Variants in BIRC6 observed in about 807,000 individuals in gnomAD.
The protein encoded by BIRC6 is dual E2 ubiquitin-conjugating enzyme/E3 ubiquitin-protein ligase BIRC6.
BIRC6 carries 98 observed loss-of-function variants against 503.3 expected under a neutral mutation model. The ratio of observed to expected loss-of-function variants is 0.19; its 90% confidence interval spans 0.17 to 0.23. The LOEUF (loss-of-function observed/expected upper bound fraction) is 0.23, where lower values mean the gene tolerates loss of function less well. BIRC6 is among the 10% of genes least tolerant of loss of function. The pLI, the probability that BIRC6 is intolerant of heterozygous loss-of-function variation, is 1.00. For missense variants in BIRC6, 5,360 were observed against 5,806.0 expected (o/e 0.92, Z 2.50); for synonymous variants, 2,240 against 2,078.7 (o/e 1.08, Z -2.11).
At chr2:32,385,071 A>T (rs540028059) in intron 3 of BIRC6, among the ~76,000 whole-genome samples, 2 of 152,294 alleles carry the variant, frequency 1.3e-5, no homozygotes, top group East Asian at 3.9e-4. Context: ...TCCATACAAG[A>T]ACAGTCATAC....
intron 59 of BIRC6, chr2:32,528,178 C>T (rs1309378862): frequency 6.6e-6 from 1 of 151,990 alleles, no homozygotes. Flanking sequence ...AAAAACACAG[C>T]ATCATAGGTG....
Position 32,403,068 on chromosome 2 carries a change from T to C in BIRC6, c.1418+1445T>C, listed in dbSNP as rs527270516. On this transcript the variant is annotated intron_variant, in intron 8 of 73. Coordinates refer to ENST00000421745, the MANE Select transcript of BIRC6 (RefSeq NM_016252.4). Reference sequence around the variant, plus strand: ...ACAATCTAGGGTCGAAGGTCAATTTTCTCTGAAGAAAGTCTCAAACAAATC... The same window carrying C: ...ACAATCTAGGGTCGAAGGTCAATTTCCTCTGAAGAAAGTCTCAAACAAATC... Among the ~76,000 whole-genome samples the C allele has an allele frequency of 2.0e-5, 3 of 152,348 alleles. No homozygotes were observed. The East Asian group carries it at 5.8e-4, about 29-fold the overall frequency.
At chr2:32,428,758 G>A (rs963529268) in intron 10 of BIRC6, among the ~76,000 whole-genome samples, 4 of 152,024 alleles carry the variant, frequency 2.6e-5, no homozygotes, top group Admixed American at 2.6e-4. Context: ...TTTTGTTATT[G>A]TTGAGATTAA....
intron 55 of BIRC6, 83 bp downstream of exon 55, chr2:32,515,853 T>C: frequency 2.3e-6 from 3 of 1,296,892 alleles, no homozygotes; most frequent in Middle Eastern, 4.6e-4. Flanking sequence ...ATAATAAATT[T>C]AGTGAGGGTT....
intron 66 of BIRC6, among the ~76,000 whole-genome samples, chr2:32,578,650 G>A (rs907340895): frequency 6.6e-6 from 1 of 151,824 alleles, no homozygotes; most frequent in East Asian, 1.9e-4. Context: ...CAAAAATTCA[G>A]CTGGGTGTGG....
intron 66 of BIRC6, among the ~76,000 whole-genome samples, chr2:32,587,725 G>A (rs2061143489): frequency 6.6e-6 from 1 of 152,034 alleles, no homozygotes; most frequent in Non-Finnish European, 1.5e-5. Flanking sequence ...ATCTATCTCA[G>A]AAAAATAAAA....
intron 1 of BIRC6, among the ~76,000 whole-genome samples, chr2:32,368,869 C>G (rs973870749): frequency 9.9e-5 from 15 of 152,138 alleles, no homozygotes; most frequent in Non-Finnish European, 1.9e-4. Flanking sequence ...CCAGGCTGGT[C>G]TGGAACACCT....
Position 32,499,534 on chromosome 2 carries a change from T to C in BIRC6, c.8469-13T>C. On this transcript the variant is annotated splice_polypyrimidine_tract_variant and intron_variant, in intron 45 of 73. Coordinates refer to ENST00000421745, the MANE Select transcript of BIRC6 (RefSeq NM_016252.4). ...CTCTCTCTTTTTCTGTCTCTCTCTCTCTCTCTCTGCAGGGGTGCTTTCCAG... is the reference window on the plus strand; with the variant it reads ...CTCTCTCTTTTTCTGTCTCTCTCTCCCTCTCTCTGCAGGGGTGCTTTCCAG... 6.4e-7 allele frequency: 1 copy of C among 1,562,774 alleles called. No individual in the cohort carries two copies. Among genetic ancestry groups the C allele is most frequent in the Non-Finnish European group, 8.6e-7 (1 of 1,156,488 alleles).
Position 32,515,275 on chromosome 2 carries a change from A to G in BIRC6, c.10854A>G (p.Gln3618=), listed in dbSNP as rs1466776267. 2.5e-6 allele frequency: 4 copies of G among 1,613,894 alleles called. No individual in the cohort carries two copies. Among genetic ancestry groups the G allele is most frequent in the South Asian group, 1.1e-5 (1 of 91,082 alleles). The change falls in exon 55 of 74, where the codon CAA becomes CAG. Residue 3618 remains glutamine, a synonymous_variant. Coordinates refer to ENST00000421745, the MANE Select transcript of BIRC6 (RefSeq NM_016252.4). ...SHLATLASSS[Q]SPEAIKQLLD... The stretch of plus-strand genomic sequence containing the variant: ...TGGCTACCCTTGCTTCCTCTTCTCA[A>G]TCTCCTGAAGCTATTAAACAATTAC...
intron 27 of BIRC6, 58 bp downstream of exon 27, chr2:32,467,797 A>G: frequency 6.8e-7 from 1 of 1,478,140 alleles, no homozygotes; most frequent in Non-Finnish European, 9.1e-7. Flanking sequence ...CAAGTTATGA[A>G]AAATGAATAT....
In BIRC6 at chr2:32,468,544, C is replaced by T; in HGVS notation, c.5888C>T (p.Ala1963Val). The change falls in exon 29 of 74, where the codon GCA becomes GTA. Residue 1963 changes from alanine (A) to valine (V), a missense_variant. Physicochemically the swap from Ala to Val is moderately conservative, Grantham distance 64. Transcript: ENST00000421745. ...TACTTTTTACGAAAACCAGATAAGG[C>T]AGTTGAGGAAGACAGTAGGGTTTTT... Reference protein sequence around the residue: ...AQYFLRKPDKAVEEDSRVFSA... With the variant: ...AQYFLRKPDKVVEEDSRVFSA... 1.2e-6 allele frequency: 2 copies of T among 1,613,928 alleles called. No individual in the cohort carries two copies. The highest frequency in any genetic ancestry group is 2.2e-5 in the East Asian group (1 of 44,884).
rs1245591464 is a variant in BIRC6, at chr2:32,499,967, C to T, written c.8889C>T (p.Gly2963=). ...CAGATGAAGAAAAAGTCTCAGGAGG[C>T]AAAGATGGCAATGGAAGCAGTACCA... The part of the protein sequence containing the change: ...SVSDEEKVSG[G]KDGNGSSTSV... Residue 2963 remains glycine, a synonymous_variant, in exon 46 of 74, where the codon GGC becomes GGT. Transcript: ENST00000421745. The T allele has an allele frequency of 6.2e-7, 1 of 1,613,776 alleles. No individual in the cohort carries two copies. Among genetic ancestry groups the T allele is most frequent in the Admixed American group, 1.7e-5 (1 of 59,980 alleles).
chr2:32,392,240 T>C (rs2039320375), intron 5 of BIRC6, 90 bp downstream of exon 5: 1 of 925,644 alleles, frequency 1.1e-6, no homozygotes, highest in Non-Finnish European at 1.6e-6. Context: ...TTTCAGAAAC[T>C]TATTTTGTGC....
At chr2:32,464,486 T>C (rs912414671) in intron 24 of BIRC6, 23 bp from the exon 25 acceptor site, 1 of 1,543,504 alleles carries the variant, frequency 6.5e-7, no homozygotes, top group Non-Finnish European at 8.8e-7. Flanking sequence ...AGTCTATATA[T>C]GTTGCTTTTA....
intron 3 of BIRC6, 94 bp downstream of exon 3, chr2:32,380,384 C>A: frequency 7.2e-7 from 1 of 1,396,678 alleles, no homozygotes; most frequent in Non-Finnish European, 9.4e-7. Context: ...TGGAAATGTT[C>A]TAATTCTAGA....
chr2:32,548,606 A>AC (rs146955993), intron 64 of BIRC6: 151,646 of 151,676 alleles, frequency 1, 75,808 homozygotes, highest in Middle Eastern at 1. Context: ...ACATGGTGAA[A>AC]CCTGCCTCTA....
chr2:32,594,793 C>T (rs1001125949), intron 67 of BIRC6, among the ~76,000 whole-genome samples: 1 of 152,112 alleles, frequency 6.6e-6, no homozygotes, highest in Non-Finnish European at 1.5e-5. Context: ...TCTATTGTTT[C>T]ACTTCCTCTT....
intron 50 of BIRC6, among the ~76,000 whole-genome samples, chr2:32,507,510 A>G (rs2053933409): frequency 6.6e-6 from 1 of 152,250 alleles, no homozygotes; most frequent in African/African-American, 2.4e-5. Flanking sequence ...TAAAAAAATC[A>G]CAATCTAGTA....
At chr2:32,571,284 C>T (rs2059896022) in intron 65 of BIRC6, among the ~76,000 whole-genome samples, 1 of 151,054 alleles carries the variant, frequency 6.6e-6, no homozygotes, top group East Asian at 1.9e-4. Context: ...AGAGAATAAA[C>T]TCCTCCTTAA....
Sources: allele counts gnomAD v4.1 joint callset (sites outside exome capture counted in the v4.1 genomes callset), GRCh38; gene constraint gnomAD v4.1.1; transcripts MANE v1.5; gene names NCBI Gene and HGNC (gene_info 2026-07-23, HGNC 2026-07-21).